The following PALLD variants were observed in gnomAD, a reference collection of about 807,000 sequenced individuals.
PALLD encodes palladin, cytoskeletal associated protein, also known as palladin.
PALLD carries 61 observed loss-of-function variants against 123.5 expected under a neutral mutation model. The ratio of observed to expected loss-of-function variants is 0.49; its 90% confidence interval spans 0.40 to 0.61. The LOEUF (loss-of-function observed/expected upper bound fraction) is 0.61, where lower values mean the gene tolerates loss of function less well. Among genes scored for constraint, PALLD ranks in the 20% least tolerant of loss-of-function variants. The probability of loss-of-function intolerance (pLI) is 0.00; values close to 1 mark genes in which losing one functional copy is unlikely to be tolerated. For missense variants in PALLD, 1,273 were observed against 1,377.0 expected, an observed-to-expected ratio of 0.92 and a Z score of 1.20; for synonymous variants, 465 against 496.4, an observed-to-expected ratio of 0.94 and a Z score of 0.84.
At chr4:168,556,386 C>T (rs1420755829) in intron 2 of PALLD, among the ~76,000 whole-genome samples, 1 of 152,146 alleles carries the variant, frequency 6.6e-6, no homozygotes, top group Non-Finnish European at 1.5e-5. Flanking sequence ...TAAGCCACGG[C>T]GCCCGGCCAT....
chr4:168,549,278 AAT>A (rs938855215), intron 2 of PALLD, among the ~76,000 whole-genome samples: 1 of 151,000 alleles, frequency 6.6e-6, no homozygotes, highest in Non-Finnish European at 1.5e-5. Context: ...AAAAAAAAAA[AAT>A]TAGTATTGCA....
Position 168,800,786 on chromosome 4 carries a change from C to T in PALLD, c.1964+88863C>T, listed in dbSNP as rs113869080. ...TATTTCTCAAAGAAATGCTTACATA[C>T]GTGCACCCAGAGACACGTAACCCAA... On this transcript the variant is annotated intron_variant, in intron 10 of 21. Coordinates refer to ENST00000505667, the MANE Select transcript of PALLD (RefSeq NM_001166108.2). Among the ~76,000 whole-genome samples the T allele has an allele frequency of 2.0e-3, 304 of 152,276 alleles. 2 individuals carry two copies. Among genetic ancestry groups the T allele is most frequent in the African/African-American group, 7.0e-3 (290 of 41,554 alleles).
intron 10 of PALLD, among the ~76,000 whole-genome samples, chr4:168,763,081 T>C (rs1402420490): frequency 1.3e-5 from 2 of 152,126 alleles, no homozygotes; most frequent in Non-Finnish European, 2.9e-5. Flanking sequence ...AGATAACAGG[T>C]TGATGGGTGC....
At chr4:168,863,326 G>C (rs1749763413) in intron 10 of PALLD, among the ~76,000 whole-genome samples, 1 of 152,180 alleles carries the variant, frequency 6.6e-6, no homozygotes, top group Non-Finnish European at 1.5e-5. Flanking sequence ...CTAATACCCA[G>C]TCCAGGCAGC....
chr4:168,911,084 C>T (rs1758854464), intron 15 of PALLD, among the ~76,000 whole-genome samples: 1 of 152,142 alleles, frequency 6.6e-6, no homozygotes, highest in African/African-American at 2.4e-5. Context: ...TTTATGAGAG[C>T]ATTTAGGTTA....
intron 2 of PALLD, among the ~76,000 whole-genome samples, chr4:168,661,508 A>G (rs2149980267): frequency 6.6e-6 from 1 of 152,358 alleles, no homozygotes; most frequent in South Asian, 2.1e-4. Flanking sequence ...GGTAATTTTC[A>G]TACGCTGTTT....
chr4:168,920,672 C>G (rs1302154300), intron 17 of PALLD, among the ~76,000 whole-genome samples: 2 of 152,094 alleles, frequency 1.3e-5, no homozygotes, highest in Non-Finnish European at 2.9e-5. Context: ...CTGTCAAGGT[C>G]TCAAGATTTT....
At chr4:168,778,656 C>T (rs906168565) in intron 10 of PALLD, among the ~76,000 whole-genome samples, 3 of 152,154 alleles carry the variant, frequency 2.0e-5, no homozygotes, top group Non-Finnish European at 4.4e-5. Flanking sequence ...TGCTAAATAC[C>T]TCAAAAATTT....
chr4:168,703,366 C>T (rs1783887276), intron 8 of PALLD, among the ~76,000 whole-genome samples: 1 of 122,146 alleles, frequency 8.2e-6, no homozygotes. Context: ...CCGCAATAAA[C>T]ATACGTGTGC....
At chr4:168,915,796 A>G in intron 16 of PALLD, 99 bp from the exon 17 acceptor site, 1 of 905,568 alleles carries the variant, frequency 1.1e-6, no homozygotes, top group South Asian at 1.4e-5. Flanking sequence ...TAAGGAAATC[A>G]TATTATTACC....
intron 2 of PALLD, among the ~76,000 whole-genome samples, chr4:168,654,988 TG>T (rs1737770901): frequency 2.9e-3 from 2 of 678 alleles, no homozygotes; most frequent in Non-Finnish European, 0.012. Flanking sequence ...TGGCTACTTG[TG>T]TGTGTGTGTG....
chr4:168,659,515 G>A (rs1231665146), intron 2 of PALLD, among the ~76,000 whole-genome samples: 1 of 152,204 alleles, frequency 6.6e-6, no homozygotes, highest in Non-Finnish European at 1.5e-5. Context: ...AATCAGTGAA[G>A]TTGTGAGGAA....
intron 10 of PALLD, among the ~76,000 whole-genome samples, chr4:168,810,680 C>T (rs576539217): frequency 1.5e-4 from 23 of 151,690 alleles, no homozygotes; most frequent in Admixed American, 1.3e-4. Context: ...TGGTGGCTCA[C>T]GCCTGTAGTC....
chr4:168,591,982 A>T (rs1771478825), intron 2 of PALLD, among the ~76,000 whole-genome samples: 1 of 151,896 alleles, frequency 6.6e-6, no homozygotes, highest in African/African-American at 2.4e-5. Context: ...AAACCAGGGA[A>T]ATGCTACTCT....
rs767187687 is a variant in PALLD, at chr4:168,512,136, C to T, written c.632C>T (p.Pro211Leu). ...DSGYLSPKNQPSALLSASASQ... is the reference protein window; with the variant it reads ...DSGYLSPKNQLSALLSASASQ... ...GGGTACCTGTCTCCTAAAAATCAGCCGTCAGCCCTGCTGAGTGCCTCAGCC... is the reference window on the plus strand; with the variant it reads ...GGGTACCTGTCTCCTAAAAATCAGCTGTCAGCCCTGCTGAGTGCCTCAGCC... Residue 211 changes from proline (P) to leucine (L), a missense_variant, in exon 2 of 22, where the codon CCG becomes CTG. Transcript: ENST00000505667. 5 of 1,614,188 alleles carry T rather than the reference C, an allele frequency of 3.1e-6. No individual in the cohort carries two copies. The highest frequency in any genetic ancestry group is 2.2e-5 in the South Asian group (2 of 91,082).
intron 2 of PALLD, among the ~76,000 whole-genome samples, chr4:168,515,096 T>A (rs1255413686): frequency 6.6e-6 from 1 of 152,146 alleles, no homozygotes; most frequent in Non-Finnish European, 1.5e-5. Flanking sequence ...CCTATAGAGT[T>A]TTTTGGGTTT....
intron 2 of PALLD, among the ~76,000 whole-genome samples, chr4:168,536,230 T>C (rs1465443562): frequency 1.3e-5 from 2 of 152,150 alleles, no homozygotes; most frequent in African/African-American, 4.8e-5. Context: ...CCAAATAGAT[T>C]CCTGTTGCCC....
intron 2 of PALLD, among the ~76,000 whole-genome samples, chr4:168,532,413 C>A (rs1764686053): frequency 6.6e-6 from 1 of 152,120 alleles, no homozygotes; most frequent in African/African-American, 2.4e-5. Flanking sequence ...TATAGGAAAA[C>A]AAGAACTTGG....
intron 10 of PALLD, among the ~76,000 whole-genome samples, chr4:168,859,759 G>T (rs1016366577): frequency 6.6e-6 from 1 of 152,092 alleles, no homozygotes; most frequent in Admixed American, 6.5e-5. Context: ...GCCTCAAGGA[G>T]CACTGTACAG....
Sources: gnomAD v4.1 joint callset for allele counts (sites outside exome capture counted in the v4.1 genomes callset) on GRCh38, gnomAD v4.1.1 for gene constraint, MANE v1.5 for transcripts, NCBI Gene and HGNC (gene_info 2026-07-23, HGNC 2026-07-21) for gene names.